The following RIMBP2 variants were observed in gnomAD, a reference collection of about 807,000 sequenced individuals.
RIMBP2 encodes the protein RIMS binding protein 2, also known as RIMS-binding protein 2.
In RIMBP2, 48 loss-of-function variants were observed where a neutral mutation model predicts 118.6. That is an observed-to-expected ratio of 0.40 (90% CI 0.32 to 0.51). The LOEUF is 0.51. RIMBP2 is among the 20% of genes least tolerant of loss of function. RIMBP2 has a pLI of 0.41. For missense variants in RIMBP2, 1,551 were observed against 1,768.3 expected (o/e 0.88, Z 2.20); for synonymous variants, 762 against 742.9 (o/e 1.03, Z -0.42).
At position 130,533,955 on chromosome 12, in the gene RIMBP2, T is replaced by G. The variant is rs577113965; in HGVS notation, c.-216-16038A>C. Among the ~76,000 whole-genome samples the G allele has an allele frequency of 8.5e-4, 128 of 150,318 alleles. 1 individual carries two copies. The South Asian group carries it at 0.026, about 31-fold the overall frequency. ...CTGAGGCAGGCAGATCACTTGAGGT[T>G]AGGAGTTCGAGACCAGCCTGGCCAA... On this transcript the variant is annotated intron_variant, in intron 2 of 22. Transcript: ENST00000690449.
intron 2 of RIMBP2, among the ~76,000 whole-genome samples, chr12:130,572,232 G>A (rs2140071521): frequency 1.1e-5 from 1 of 88,400 alleles, no homozygotes; most frequent in South Asian, 3.9e-4. Flanking sequence ...AGGAGGAGGG[G>A]CCTCCCACTG....
intron 1 of RIMBP2, among the ~76,000 whole-genome samples, chr12:130,689,555 G>A (rs1326779437): frequency 1.3e-5 from 2 of 152,162 alleles, no homozygotes; most frequent in Admixed American, 1.3e-4. Flanking sequence ...GCTCAGCTGG[G>A]CCCCAGGCTG....
In RIMBP2 at chr12:130,447,954, C is replaced by A. The variant is rs1390908579; in HGVS notation, c.581+2246G>T. On this transcript the variant is annotated intron_variant, in intron 9 of 22. Transcript: ENST00000690449. The surrounding 1 kb of genome is among the most constrained non-coding windows in gnomAD (Gnocchi z 4.4). ...GCTGAATAATGACAGCAAGAGGAGA[C>A]ACTGATTAGACCCGGGGCAGAAAAC... Among the ~76,000 whole-genome samples the A allele has an allele frequency of 6.6e-6, 1 of 152,038 alleles. No individual in the cohort carries two copies. Among genetic ancestry groups the A allele is most frequent in the Non-Finnish European group, 1.5e-5 (1 of 67,998 alleles).
At chr12:130,689,858 G>A (rs374861108) in intron 1 of RIMBP2, among the ~76,000 whole-genome samples, 26 of 152,302 alleles carry the variant, frequency 1.7e-4, no homozygotes, top group African/African-American at 3.8e-4. Flanking sequence ...TGGGTCAGGC[G>A]TCTGGGCAGG....
intron 4 of RIMBP2, among the ~76,000 whole-genome samples, chr12:130,492,458 A>T (rs1420284323): frequency 6.6e-6 from 1 of 152,110 alleles, no homozygotes; most frequent in Admixed American, 6.5e-5. Context: ...AGAGAGAGAG[A>T]GAGAAAGATT....
intron 2 of RIMBP2, among the ~76,000 whole-genome samples, chr12:130,555,027 G>A (rs1191790901): frequency 6.6e-6 from 1 of 152,138 alleles, no homozygotes; most frequent in Non-Finnish European, 1.5e-5. Context: ...TTTATTCAAA[G>A]CTCAGAATAA....
At chr12:130,489,273 T>G (rs1468219174) in intron 4 of RIMBP2, among the ~76,000 whole-genome samples, 3 of 152,172 alleles carry the variant, frequency 2.0e-5, no homozygotes, top group African/African-American at 7.2e-5. Context: ...GGAATCTGTG[T>G]GTGTACGCCT....
At chr12:130,519,721 G>A (rs2051872729) in intron 2 of RIMBP2, among the ~76,000 whole-genome samples, 1 of 152,180 alleles carries the variant, frequency 6.6e-6, no homozygotes, top group African/African-American at 2.4e-5. Context: ...CAGAGAATTT[G>A]AGAACAAGAG....
At chr12:130,526,371 G>A (rs573561499) in intron 2 of RIMBP2, among the ~76,000 whole-genome samples, 29 of 152,268 alleles carry the variant, frequency 1.9e-4, no homozygotes, top group African/African-American at 2.9e-4. Flanking sequence ...TTTTGTGCTC[G>A]ATGAAAGCCA....
intron 2 of RIMBP2, among the ~76,000 whole-genome samples, chr12:130,527,172 A>G (rs1475024421): frequency 1.3e-5 from 2 of 152,242 alleles, no homozygotes; most frequent in East Asian, 3.8e-4. Context: ...AATTTGGGGA[A>G]AATTATTAAG....
At chr12:130,415,347 C>T (rs2076036185) in intron 17 of RIMBP2, among the ~76,000 whole-genome samples, 1 of 152,158 alleles carries the variant, frequency 6.6e-6, no homozygotes. Context: ...TAAAATCCAA[C>T]ATCCCTTCAT....
Position 130,419,812 on chromosome 12 carries a change from A to G in RIMBP2, c.3238+2641T>C, listed in dbSNP as rs1431484482. ...TACAGGCCTTCTGTCTGACAGGTCA[A>G]CAACTAGATAAATGCAAAGACCAAA... On this transcript the variant is annotated intron_variant, in intron 17 of 22. Transcript: ENST00000690449. This position sits in a 1 kb window ranked among gnomAD's most constrained non-coding sequence, Gnocchi z 4.3. 2 of 152,228 alleles carry G rather than the reference A, an allele frequency of 1.3e-5. No individual in the cohort carries two copies. The highest frequency in any genetic ancestry group is 2.9e-5 in the Non-Finnish European group (2 of 68,036). 9.4% of individuals were successfully genotyped at this position (152,228 alleles called of 1,614,324 possible).
intron 1 of RIMBP2, among the ~76,000 whole-genome samples, chr12:130,705,338 C>A (rs908588496): frequency 6.6e-6 from 1 of 152,200 alleles, no homozygotes; most frequent in Non-Finnish European, 1.5e-5. Flanking sequence ...CCCGGCCAGT[C>A]ACCACGCAAC....
intron 10 of RIMBP2, among the ~76,000 whole-genome samples, chr12:130,444,800 C>T (rs371203173): frequency 7.9e-5 from 12 of 152,188 alleles, no homozygotes; most frequent in East Asian, 5.8e-4. Flanking sequence ...GAGGGTGCCT[C>T]TGGGAGACCC....
At chr12:130,633,747 A>C (rs2062152849) in intron 1 of RIMBP2, 1 of 152,144 alleles carries the variant, frequency 6.6e-6, no homozygotes, top group Non-Finnish European at 1.5e-5. Context: ...GTCTGTGTCT[A>C]AGCTGTATCT....
intron 1 of RIMBP2, among the ~76,000 whole-genome samples, chr12:130,634,531 G>A (rs1241129047): frequency 6.6e-6 from 1 of 152,058 alleles, no homozygotes; most frequent in Non-Finnish European, 1.5e-5. Context: ...CAAGCCACAT[G>A]CTGCCTTTGG....
intron 7 of RIMBP2, among the ~76,000 whole-genome samples, chr12:130,453,916 C>T (rs1222313541): frequency 1.3e-5 from 2 of 152,030 alleles, no homozygotes; most frequent in South Asian, 4.1e-4. Flanking sequence ...TAGCCAGGCG[C>T]GGCGGTGCAC....
intron 2 of RIMBP2, among the ~76,000 whole-genome samples, chr12:130,618,658 A>T (rs2061109419): frequency 6.6e-6 from 1 of 152,158 alleles, no homozygotes; most frequent in Admixed American, 6.5e-5. Flanking sequence ...GGCAGGTGGG[A>T]GGCTCCTCAG....
chr12:130,646,608 A>T (rs1432673455), intron 1 of RIMBP2, among the ~76,000 whole-genome samples: 2 of 151,682 alleles, frequency 1.3e-5, no homozygotes, highest in Non-Finnish European at 3.0e-5. Context: ...CCACAAGAAG[A>T]ATGACAACCA....
Sources: allele counts gnomAD v4.1 joint callset (sites outside exome capture counted in the v4.1 genomes callset), GRCh38; gene constraint gnomAD v4.1.1; non-coding constraint Gnocchi (gnomAD v3.1); transcripts MANE v1.5; gene names NCBI Gene and HGNC (gene_info 2026-07-23, HGNC 2026-07-21).